LORICRIN: variants seen among roughly 807,000 people sequenced by gnomAD.
LORICRIN encodes loricrin cornified envelope precursor protein.
In LORICRIN, 5 loss-of-function variants were observed where a neutral mutation model predicts 3.3. The ratio of observed to expected loss-of-function variants is 1.52; its 90% CI spans 0.79 to 3.19. LORICRIN has a LOEUF of 3.19. LORICRIN is among the 30% of genes most tolerant of loss of function. The pLI, the probability that LORICRIN is intolerant of heterozygous loss-of-function variation, is 0.00. For synonymous variants in LORICRIN, 237 were observed against 231.4 expected (o/e 1.02, Z -0.22); for missense variants, 524 against 460.2 (o/e 1.14, Z -1.27).
At position 153,261,407 on chromosome 1, in the gene LORICRIN, G is replaced by T; in HGVS notation, c.458G>T (p.Gly153Val). 1.3e-6 allele frequency: 2 copies of T among 1,485,160 alleles called. No homozygotes were observed. Among genetic ancestry groups the T allele is most frequent in the Non-Finnish European group, 1.8e-6 (2 of 1,125,424 alleles). The allele number at this position is 1,485,160 out of a possible 1,614,324, so 92.0% of individuals were successfully genotyped here. A position where few individuals can be genotyped will look rare whatever the true frequency, so the allele number is the denominator to read the frequency against. Residue 153 changes from glycine to valine, a missense_variant, in exon 2 of 2, where the codon GGC (glycine) becomes GTC (valine). Coordinates refer to ENST00000368742, the MANE Select transcript of LORICRIN (RefSeq NM_000427.3). Reference protein sequence around the residue: ...CFSSGGGGFSGQAVQCQSYGG... With the variant: ...CFSSGGGGFSVQAVQCQSYGG... ...TCCTCCGGCGGCGGCGGCTTCTCGGGCCAGGCGGTCCAGTGCCAGAGCTAC... is the reference window on the plus strand; with the variant it reads ...TCCTCCGGCGGCGGCGGCTTCTCGGTCCAGGCGGTCCAGTGCCAGAGCTAC...
intron 1 of LORICRIN, among the ~76,000 whole-genome samples, chr1:153,260,646 T>G (rs1658744452): frequency 6.6e-6 from 1 of 152,064 alleles, no homozygotes; most frequent in South Asian, 2.1e-4. Flanking sequence ...GAGGCGGGCG[T>G]GTGGGTGATC....
chr1:153,260,946 C>A lies in LORICRIN; in HGVS notation c.-4C>A, dbSNP rs1293630241. 3 of 1,589,920 alleles carry A rather than the reference C, an allele frequency of 1.9e-6. No homozygotes were observed. The highest frequency in any genetic ancestry group is 2.7e-5 in the African/African-American group (2 of 72,868). ...TTCCAGGCTCTCCTTCCTTCTCAGACAAGATGTCTTATCAGAAAAAGCAGC... is the reference window on the plus strand; with the variant it reads ...TTCCAGGCTCTCCTTCCTTCTCAGAAAAGATGTCTTATCAGAAAAAGCAGC... On this transcript the variant is annotated 5_prime_UTR_variant, in exon 2 of 2. Transcript: ENST00000368742.
intron 1 of LORICRIN, 40 bp from the exon 2 acceptor site, chr1:153,260,887 C>A: frequency 7.1e-7 from 1 of 1,411,810 alleles, no homozygotes; most frequent in Non-Finnish European, 9.8e-7. Flanking sequence ...TAAGTATCCT[C>A]TTGCAGCTGG....
chr1:153,260,088 A>C (rs1658727775), intron 1 of LORICRIN, among the ~76,000 whole-genome samples: 1 of 152,150 alleles, frequency 6.6e-6, no homozygotes, highest in Admixed American at 6.5e-5. Context: ...TCAGGAGGAG[A>C]GGCTGAGCCA....
In LORICRIN at chr1:153,260,970, G is replaced by T. The variant is rs1282262851; in HGVS notation, c.21G>T (p.Gln7His). Reference protein sequence around the residue: MSYQKKQPTPQPPVDCV... With the variant: MSYQKKHPTPQPPVDCV... ...ACAAGATGTCTTATCAGAAAAAGCA[G>T]CCCACCCCTCAGCCCCCAGTGGACT... The change falls in exon 2 of 2, where the codon CAG (glutamine) becomes CAT (histidine). Residue 7 changes from glutamine (Q) to histidine (H), a missense_variant. Coordinates refer to ENST00000368742, the MANE Select transcript of LORICRIN (RefSeq NM_000427.3). 6.3e-7 allele frequency: 1 copy of T among 1,598,120 alleles called. No homozygotes were observed. Among genetic ancestry groups the T allele is most frequent in the South Asian group, 1.1e-5 (1 of 89,234 alleles).
rs761504872 is a variant in LORICRIN, at chr1:153,261,807, G to A, written c.858G>A (p.Val286=). ...SSGGGGGGSS[V]GGSGSGKGVP... ...GAGGCGGCGGCGGCGGCTCCTCCGTGGGTGGCTCCGGGAGTGGCAAGGGCG... is the reference window on the plus strand; with the variant it reads ...GAGGCGGCGGCGGCGGCTCCTCCGTAGGTGGCTCCGGGAGTGGCAAGGGCG... Residue 286 remains valine, a synonymous_variant, in exon 2 of 2, where the codon GTG becomes GTA. Transcript: ENST00000368742. 6.2e-7 allele frequency: 1 copy of A among 1,609,414 alleles called. No homozygotes were observed. The highest frequency in any genetic ancestry group is 2.2e-5 in the East Asian group (1 of 44,728).
At chr1:153,259,934 C>A (rs1341919122) in intron 1 of LORICRIN, among the ~76,000 whole-genome samples, 1 of 152,144 alleles carries the variant, frequency 6.6e-6, no homozygotes, top group Non-Finnish European at 1.5e-5. Flanking sequence ...GTCTTCTGGC[C>A]AGAATGTAAA....
chr1:153,261,851 C>T lies in LORICRIN; in HGVS notation c.902C>T (p.Thr301Ile). 6.2e-7 allele frequency: 1 copy of T among 1,611,794 alleles called. No homozygotes were observed. Among genetic ancestry groups the T allele is most frequent in the Non-Finnish European group, 8.5e-7 (1 of 1,179,592 alleles). Residue 301 changes from threonine (T) to isoleucine (I), a missense_variant, in exon 2 of 2, where the codon ACC becomes ATC. Physicochemically the swap from Thr to Ile is moderately conservative, Grantham distance 89. Transcript: ENST00000368742. ...SGKGVPICHQ[T>I]QQKQAPTWPS... ...AAGGGCGTCCCGATCTGCCACCAGA[C>T]CCAGCAGAAGCAGGCGCCTACCTGG...
rs532781430 is a variant in LORICRIN, at chr1:153,261,687, C to T, written c.738C>T (p.Gly246=). 2.0e-6 allele frequency: 3 copies of T among 1,504,842 alleles called. No individual in the cohort carries two copies. The highest frequency in any genetic ancestry group is 2.6e-6 in the Non-Finnish European group (3 of 1,136,312). 93.2% of individuals were successfully genotyped at this position (1,504,842 alleles called of 1,614,324 possible). A position where few individuals can be genotyped will look rare whatever the true frequency, so the allele number is the denominator to read the frequency against. ...GCGGCTGCTTCTCCAGCGGCGGGGG[C>T]GGCGGGAGCTCCGGCTGCGGCGGCG... is the stretch of plus-strand genomic sequence containing the variant. ...GGSGCFSSGG[G]GGSSGCGGGS... Residue 246 remains glycine (G), a synonymous_variant, in exon 2 of 2, where the codon GGC becomes GGT. Transcript: ENST00000368742.
In LORICRIN at chr1:153,261,770, G is replaced by A. The variant is rs752036196; in HGVS notation, c.821G>A (p.Gly274Asp). ...AGTGGCGGGGGCTCCGTCTGCGGAG[G>A]TGGTTCCTCTGGAGGCGGCGGCGGC... ...IISGGGSVCG[G>D]GSSGGGGGGS... is the part of the protein sequence containing the mutation. Residue 274 changes from glycine to aspartate, a missense_variant, in exon 2 of 2, where the codon GGT (glycine) becomes GAT (aspartate). By Grantham distance (94) the Gly-to-Asp change is moderately conservative. Transcript: ENST00000368742. 7 of 1,594,722 alleles carry A rather than the reference G, an allele frequency of 4.4e-6. No homozygotes were observed. Among genetic ancestry groups the A allele is most frequent in the Admixed American group, 1.7e-5 (1 of 58,496 alleles).
rs1400824312 is a variant in LORICRIN at position 153,260,998 on chromosome 1, G to A, written c.49G>A (p.Val17Met). ...QPTPQPPVDC[V>M]KTSGGGGGGG... ...CACCCCTCAGCCCCCAGTGGACTGC[G>A]TGAAGACCTCTGGCGGCGGTGGCGG... Residue 17 changes from valine (V) to methionine (M), a missense_variant, in exon 2 of 2, where the codon GTG (valine) becomes ATG (methionine). Transcript: ENST00000368742. 3 of 1,590,104 alleles carry A rather than the reference G, an allele frequency of 1.9e-6. No individual in the cohort carries two copies. The highest frequency in any genetic ancestry group is 3.5e-5 in the Admixed American group (2 of 57,632).
chr1:153,260,835 C>T, intron 1 of LORICRIN, 92 bp from the exon 2 acceptor site: 1 of 922,506 alleles, frequency 1.1e-6, no homozygotes, highest in Non-Finnish European at 1.7e-6. Context: ...TGAAGGAGCC[C>T]TGGGAGGATG....
chr1:153,261,750 C>G lies in LORICRIN; in HGVS notation c.801C>G (p.Gly267=), dbSNP rs564599085. ...TTGGCAGCGGCTGCATCATCAGTGG[C>G]GGGGGCTCCGTCTGCGGAGGTGGTT... ...SGIGSGCIIS[G]GGSVCGGGSS... is the part of the protein sequence containing the mutation. The change falls in exon 2 of 2, where the codon GGC becomes GGG. Residue 267 remains glycine (G), a synonymous_variant. Transcript: ENST00000368742. The G allele has an allele frequency of 6.4e-7, 1 of 1,571,676 alleles. No individual in the cohort carries two copies. Among genetic ancestry groups the G allele is most frequent in the East Asian group, 2.4e-5 (1 of 42,428 alleles).
In LORICRIN at chr1:153,261,356, C is replaced by T. The variant is rs1357692387; in HGVS notation, c.407C>T (p.Ser136Phe). ...TGCTTCTCCAGCGGTGGGGGCGGCT[C>T]CTCCGGGGGCGGCTCCGGCTGCTTC... is the stretch of plus-strand genomic sequence containing the variant. ...SGCFSSGGGGSSGGGSGCFSS... is the reference protein window; with the variant it reads ...SGCFSSGGGGFSGGGSGCFSS... The change falls in exon 2 of 2, where the codon TCC (serine) becomes TTC (phenylalanine). Residue 136 changes from serine (S) to phenylalanine (F), a missense_variant. Transcript: ENST00000368742. 2.9e-6 allele frequency: 4 copies of T among 1,388,440 alleles called. No homozygotes were observed. Among genetic ancestry groups the T allele is most frequent in the Middle Eastern group, 2.4e-4 (1 of 4,166 alleles). The allele number at this position is 1,388,440 out of a possible 1,614,324, so 86.0% of individuals were successfully genotyped here. A position where few individuals can be genotyped will look rare whatever the true frequency, so the allele number is the denominator to read the frequency against.
In LORICRIN at chr1:153,261,428, G is replaced by GT; in HGVS notation, c.479_480insT (p.Tyr161LeufsTer6). 6.7e-7 allele frequency: 1 copy of GT among 1,498,010 alleles called. No individual in the cohort carries two copies. Among genetic ancestry groups the GT allele is most frequent in the South Asian group, 1.2e-5 (1 of 80,092 alleles). The allele number at this position is 1,498,010 out of a possible 1,614,324, so 92.8% of individuals were successfully genotyped here. On this transcript the variant is annotated frameshift_variant, in exon 2 of 2. Transcript: ENST00000368742. LOFTEE classifies it low-confidence loss of function (END_TRUNC). ...TCGGGCCAGGCGGTCCAGTGCCAGA[G>GT]CTACGGAGGCGTCTCTAGCGGCGGC...
In LORICRIN at chr1:153,261,780, T is replaced by TGGAGGC; in HGVS notation, c.834_839dup (p.Gly282_Gly283dup). The TGGAGGC allele has an allele frequency of 1.3e-6, 2 of 1,583,514 alleles. No individual in the cohort carries two copies. Among genetic ancestry groups the TGGAGGC allele is most frequent in the South Asian group, 2.3e-5 (2 of 88,656 alleles). ...GCTCCGTCTGCGGAGGTGGTTCCTC[T>TGGAGGC]GGAGGCGGCGGCGGCGGCTCCTCCG... On this transcript the variant is annotated inframe_insertion, in exon 2 of 2. Coordinates refer to ENST00000368742, the MANE Select transcript of LORICRIN (RefSeq NM_000427.3).
At chr1:153,259,931 G>A (rs187507760) in intron 1 of LORICRIN, among the ~76,000 whole-genome samples, 198 bp downstream of exon 1, 1 of 152,196 alleles carries the variant, frequency 6.6e-6, no homozygotes, top group Non-Finnish European at 1.5e-5. Flanking sequence ...CTGGTCTTCT[G>A]GCCAGAATGT....
Position 153,261,226 on chromosome 1 carries a change from G to C in LORICRIN, c.277G>C (p.Gly93Arg), listed in dbSNP as rs759579268. Residue 93 changes from glycine (G) to arginine (R), a missense_variant, in exon 2 of 2, where the codon GGC becomes CGC. By Grantham distance (125) the Gly-to-Arg change is moderately radical. Transcript: ENST00000368742. ...GSGGSVKYSG[G>R]GGSSGGGSGC... The stretch of plus-strand genomic sequence containing the variant: ...CGGTGGGAGCGTCAAGTACTCCGGA[G>C]GCGGCGGCTCCTCCGGCGGGGGCTC... 3 of 1,372,878 alleles carry C rather than the reference G, an allele frequency of 2.2e-6. No individual in the cohort carries two copies. Among genetic ancestry groups the C allele is most frequent in the South Asian group, 3.3e-5 (2 of 60,642 alleles). The allele number at this position is 1,372,878 out of a possible 1,614,324, so 85.0% of individuals were successfully genotyped here. A position where few individuals can be genotyped will look rare whatever the true frequency, so the allele number is the denominator to read the frequency against.
In LORICRIN at chr1:153,261,515, A is replaced by ACCCTGGCGGCGG. The variant is rs1553191346; in HGVS notation, c.567_568insCCTGGCGGCGGC (p.Tyr189_Ser190insProGlyGlyGly). Reference sequence around the variant, plus strand: ...GGGGGCGGCGGCTCTGTCTGCGGCTACTCTGGCGGCGGCTCTGGCTGCGGC... The same window carrying ACCCTGGCGGCGG: ...GGGGGCGGCGGCTCTGTCTGCGGCTACCCTGGCGGCGGCTCTGGCGGCGGCTCTGGCTGCGGC... On this transcript the variant is annotated inframe_insertion, in exon 2 of 2. Coordinates refer to ENST00000368742, the MANE Select transcript of LORICRIN (RefSeq NM_000427.3). The ACCCTGGCGGCGG allele has an allele frequency of 2.4e-5, 36 of 1,496,406 alleles. No homozygotes were observed. Among genetic ancestry groups the ACCCTGGCGGCGG allele is most frequent in the Non-Finnish European group, 3.1e-5 (35 of 1,132,672 alleles). The allele number at this position is 1,496,406 out of a possible 1,614,324, so 92.7% of individuals were successfully genotyped here. A position where few individuals can be genotyped will look rare whatever the true frequency, so the allele number is the denominator to read the frequency against.
Sources: allele counts gnomAD v4.1 joint callset (sites outside exome capture counted in the v4.1 genomes callset), GRCh38; gene constraint gnomAD v4.1.1; transcripts MANE v1.5; gene names NCBI Gene and HGNC (gene_info 2026-07-23, HGNC 2026-07-21).